CCDC85C: variants seen among roughly 807,000 people sequenced by gnomAD.
The protein encoded by CCDC85C is coiled-coil domain containing 85C.
In CCDC85C, 18 loss-of-function variants were observed where a neutral mutation model predicts 38.3. That is an observed-to-expected ratio of 0.47 (90% CI 0.33 to 0.70). The LOEUF is 0.70. Ranked by LOEUF, CCDC85C falls within the 30% of genes least tolerant of loss-of-function variation. The pLI, the probability that CCDC85C is intolerant of heterozygous loss-of-function variation, is 0.03. For missense variants in CCDC85C, 566 were observed against 621.2 expected (o/e 0.91, Z 0.94); for synonymous variants, 264 against 293.8 (o/e 0.90, Z 1.04).
Position 99,517,194 on chromosome 14 carries a change from C to T in CCDC85C, c.976-11G>A. On this transcript the variant is annotated splice_polypyrimidine_tract_variant and intron_variant, in intron 3 of 5. Transcript: ENST00000380243. ...GGGGCAGGCCGGGCCCTGGGGAAGG[C>T]AATCACACATCTCAGCTCACCCTGG... The T allele has an allele frequency of 1.3e-6, 2 of 1,531,544 alleles. No homozygotes were observed. Among genetic ancestry groups the T allele is most frequent in the Non-Finnish European group, 1.8e-6 (2 of 1,135,846 alleles). The allele number at this position is 1,531,544 out of a possible 1,614,324, so 94.9% of individuals were successfully genotyped here.
chr14:99,583,138 C>A (rs769775889), intron 1 of CCDC85C: 2 of 152,110 alleles, frequency 1.3e-5, no homozygotes, highest in Non-Finnish European at 2.9e-5. Flanking sequence ...TTTTTAAATG[C>A]CTTTTAAAAA....
At position 99,516,955 on chromosome 14, in the gene CCDC85C, G is replaced by A; in HGVS notation, c.1071+133C>T. The A allele has an allele frequency of 1.2e-6, 1 of 824,514 alleles. No individual in the cohort carries two copies. 51.1% of individuals were successfully genotyped at this position (824,514 alleles called of 1,614,324 possible). A position where few individuals can be genotyped will look rare whatever the true frequency, so the allele number is the denominator to read the frequency against. ...CCTCACAGTGCTCCAGGCAGCCATG[G>A]TCACCCAGCCACCCACACACAGATG... is the stretch of plus-strand genomic sequence containing the variant. On this transcript the variant is annotated intron_variant, in intron 4 of 5. Coordinates refer to ENST00000380243, the MANE Select transcript of CCDC85C (RefSeq NM_001144995.2). The surrounding 1 kb of genome is among the most constrained non-coding windows in gnomAD (Gnocchi z 5.5).
At chr14:99,563,711 C>T (rs1266837840) in intron 1 of CCDC85C, among the ~76,000 whole-genome samples, 1 of 152,228 alleles carries the variant, frequency 6.6e-6, no homozygotes, top group African/African-American at 2.4e-5. Context: ...AAATCACCCA[C>T]TCCCGTGGGC....
At chr14:99,585,513 C>A (rs947837901) in intron 1 of CCDC85C, among the ~76,000 whole-genome samples, 5 of 152,222 alleles carry the variant, frequency 3.3e-5, no homozygotes, top group Non-Finnish European at 5.9e-5. Context: ...AGTGTCTTTG[C>A]CCTGCAAGGG....
rs1228504569 is a variant in CCDC85C, at chr14:99,558,303, T to G, written c.794-22215A>C. Among the ~76,000 whole-genome samples, 8 of 152,188 alleles carry G rather than the reference T, an allele frequency of 5.3e-5. No homozygotes were observed. Among genetic ancestry groups the G allele is most frequent in the African/African-American group, 1.9e-4 (8 of 41,450 alleles). On this transcript the variant is annotated intron_variant, in intron 1 of 5. Coordinates refer to ENST00000380243, the MANE Select transcript of CCDC85C (RefSeq NM_001144995.2). The surrounding 1 kb of genome is among the most constrained non-coding windows in gnomAD (Gnocchi z 4.2). ...TTCATGTCCGCCCAGAACCTCAGAA[T>G]GTGATCTTATTTGGAAATACGGTCT... is the stretch of plus-strand genomic sequence containing the variant.
rs1898295545 is a variant in CCDC85C at position 99,569,691 on chromosome 14, G to A, written c.793+33476C>T. ...CAACCTCATCAGCACTTGAGACATT[G>A]CTAGTTCTTTGCACCTCTGCTTCCC... On this transcript the variant is annotated intron_variant, in intron 1 of 5. Coordinates refer to ENST00000380243, the MANE Select transcript of CCDC85C (RefSeq NM_001144995.2). This position sits in a 1 kb window ranked among gnomAD's most constrained non-coding sequence, Gnocchi z 4.3. Among the ~76,000 whole-genome samples the A allele has an allele frequency of 6.6e-6, 1 of 152,196 alleles. No individual in the cohort carries two copies.
intron 3 of CCDC85C, among the ~76,000 whole-genome samples, chr14:99,521,578 C>T (rs1376478000): frequency 6.6e-6 from 1 of 152,228 alleles, no homozygotes; most frequent in Admixed American, 6.5e-5. Context: ...TGAAGTCCCA[C>T]AAGGCAAGGC....
intron 1 of CCDC85C, among the ~76,000 whole-genome samples, chr14:99,538,029 G>C (rs576534307): frequency 6.6e-6 from 1 of 152,340 alleles, no homozygotes; most frequent in East Asian, 1.9e-4. Flanking sequence ...GCTAGGACAA[G>C]AACGCACCAA....
intron 1 of CCDC85C, among the ~76,000 whole-genome samples, chr14:99,582,281 C>A (rs1269184677): frequency 6.6e-6 from 1 of 152,112 alleles, no homozygotes; most frequent in Non-Finnish European, 1.5e-5. Context: ...CCCAGGGTGA[C>A]GTCCACACCA....
chr14:99,577,659 C>T (rs959363805), intron 1 of CCDC85C, among the ~76,000 whole-genome samples: 1 of 151,776 alleles, frequency 6.6e-6, no homozygotes, highest in Non-Finnish European at 1.5e-5. Context: ...CCCATACAGC[C>T]CGTCCTGCAT....
intron 1 of CCDC85C, among the ~76,000 whole-genome samples, chr14:99,537,928 C>T (rs1259806844): frequency 1.3e-5 from 2 of 152,144 alleles, no homozygotes; most frequent in Non-Finnish European, 2.9e-5. Flanking sequence ...TGTCCTGTAC[C>T]CTACTAACAG....
At position 99,546,429 on chromosome 14, in the gene CCDC85C, C is replaced by T. The variant is rs557646055; in HGVS notation, c.794-10341G>A. ...GTCATCACAGCCAGCACTGGGAGAG[C>T]GGCTCAGGGAAGGCACTTGATCTGC... On this transcript the variant is annotated intron_variant, in intron 1 of 5. Coordinates refer to ENST00000380243, the MANE Select transcript of CCDC85C (RefSeq NM_001144995.2). Among the ~76,000 whole-genome samples the T allele has an allele frequency of 2.8e-3, 429 of 152,028 alleles. 1 individual carries two copies. Among genetic ancestry groups the T allele is most frequent in the Non-Finnish European group, 5.4e-3 (368 of 67,974 alleles).
At chr14:99,568,062 A>C (rs1297004658) in intron 1 of CCDC85C, among the ~76,000 whole-genome samples, 1 of 152,034 alleles carries the variant, frequency 6.6e-6, no homozygotes, top group Non-Finnish European at 1.5e-5. Flanking sequence ...ACTCCAGGGC[A>C]CTGGTCCCAG....
chr14:99,603,894 C>A lies in CCDC85C; in HGVS notation c.66G>T (p.Glu22Asp), dbSNP rs961782409. Residue 22 changes from glutamate to aspartate, a missense_variant, in exon 1 of 6, where the codon GAG becomes GAT. Glu to Asp is a conservative substitution (Grantham distance 45). Transcript: ENST00000380243. This position sits in a 1 kb window ranked among gnomAD's most constrained non-coding sequence, Gnocchi z 7.5. ...SEELSQVPDE[E>D]LLRWSKEELA... ...GCTCCTCCTTGCTCCAGCGCAGCAGCTCCTCGTCCGGCACCTGGCTCAGCT... is the reference window on the plus strand; with the variant it reads ...GCTCCTCCTTGCTCCAGCGCAGCAGATCCTCGTCCGGCACCTGGCTCAGCT... The A allele has an allele frequency of 1.1e-5, 16 of 1,492,896 alleles. No individual in the cohort carries two copies. Among genetic ancestry groups the A allele is most frequent in the African/African-American group, 1.5e-5 (1 of 68,796 alleles). The allele number at this position is 1,492,896 out of a possible 1,614,324, so 92.5% of individuals were successfully genotyped here.
intron 1 of CCDC85C, among the ~76,000 whole-genome samples, chr14:99,579,811 G>A (rs1416276768): frequency 1.3e-5 from 2 of 152,118 alleles, no homozygotes; most frequent in Admixed American, 1.3e-4. Context: ...CCACTCAGGA[G>A]TGGGGATGGG....
At chr14:99,564,425 T>C (rs1898175863) in intron 1 of CCDC85C, among the ~76,000 whole-genome samples, 1 of 152,234 alleles carries the variant, frequency 6.6e-6, no homozygotes, top group African/African-American at 2.4e-5. Context: ...GTTAGGGTTT[T>C]GGTCAGCAGG....
rs1377137821 is a variant in CCDC85C, at chr14:99,514,006, A to G, written c.*1240T>C. On this transcript the variant is annotated 3_prime_UTR_variant, in exon 6 of 6. Coordinates refer to ENST00000380243, the MANE Select transcript of CCDC85C (RefSeq NM_001144995.2). ...AGGGCCTTATGCTGCCCATTTTACT[A>G]CTGAGGACACGGGCTCAGAGTGGGG... The G allele has an allele frequency of 6.6e-6, 1 of 152,232 alleles. No individual in the cohort carries two copies. Among genetic ancestry groups the G allele is most frequent in the Middle Eastern group, 3.1e-3 (1 of 318 alleles). 9.4% of individuals were successfully genotyped at this position (152,232 alleles called of 1,614,324 possible). A position where few individuals can be genotyped will look rare whatever the true frequency, so the allele number is the denominator to read the frequency against.
At position 99,504,007 on chromosome 14, in the gene CCDC85C, G is replaced by A. The variant is rs3918092; in HGVS notation, c.*11239C>T. The stretch of plus-strand genomic sequence containing the variant: ...CCAAGCACCAAGCCACAGCAGATGC[G>A]GGGGGGCAGTAGGGGGTGGTGTGCT... On this transcript the variant is annotated 3_prime_UTR_variant, in exon 6 of 6. Transcript: ENST00000380243. The A allele has an allele frequency of 0.021, 7,300 of 352,656 alleles. 108 individuals carry two copies. The highest frequency in any genetic ancestry group is 0.039 in the Middle Eastern group (48 of 1,236). The allele number at this position is 352,656 out of a possible 1,614,324, so 21.8% of individuals were successfully genotyped here.
In CCDC85C at chr14:99,507,779, T is replaced by C. The variant is rs562730401; in HGVS notation, c.*7467A>G. On this transcript the variant is annotated 3_prime_UTR_variant, in exon 6 of 6. Transcript: ENST00000380243. ...CTACACCTGCTTCCTATTGGCAGTG[T>C]GTCGTCTTAGTGCATTCTGAAGAAT... 6.5e-6 allele frequency: 1 copy of C among 153,324 alleles called. No homozygotes were observed. The highest frequency in any genetic ancestry group is 2.1e-4 in the South Asian group (1 of 4,868). 9.5% of individuals were successfully genotyped at this position (153,324 alleles called of 1,614,324 possible). A position where few individuals can be genotyped will look rare whatever the true frequency, so the allele number is the denominator to read the frequency against.
Sources: gnomAD v4.1 joint callset for allele counts (sites outside exome capture counted in the v4.1 genomes callset) on GRCh38, gnomAD v4.1.1 for gene constraint, Gnocchi (gnomAD v3.1) non-coding constraint, MANE v1.5 for transcripts, NCBI Gene and HGNC (gene_info 2026-07-23, HGNC 2026-07-21) for gene names.